PPP4R4: variants seen among roughly 807,000 people sequenced by gnomAD.
The protein encoded by PPP4R4 is protein phosphatase 4 regulatory subunit 4, also known as serine/threonine-protein phosphatase 4 regulatory subunit 4.
Under a neutral mutation model 121.8 loss-of-function variants are expected in PPP4R4, and 70 were observed. The ratio of observed to expected loss-of-function variants is 0.57; its 90% CI spans 0.47 to 0.70. PPP4R4 has a LOEUF of 0.70. Ranked by LOEUF, PPP4R4 falls within the 30% of genes least tolerant of loss-of-function variation. The pLI, the probability that PPP4R4 is intolerant of heterozygous loss-of-function variation, is 0.00. For missense variants in PPP4R4, 875 were observed against 1,033.6 expected (o/e 0.85, Z 2.10); for synonymous variants, 348 against 355.7 (o/e 0.98, Z 0.24).
At chr14:94,265,528 A>G (rs904063283) in intron 21 of PPP4R4, 55 bp downstream of exon 21, 11 of 1,447,020 alleles carry the variant, frequency 7.6e-6, no homozygotes, top group Non-Finnish European at 1.1e-5. Context: ...TTGTATACAA[A>G]TTGCTGGGAA....
intron 12 of PPP4R4, 41 bp from the exon 13 acceptor site, chr14:94,245,546 A>G (rs765825911): frequency 1.6e-5 from 18 of 1,097,786 alleles, no homozygotes; most frequent in Admixed American, 1.5e-4. Flanking sequence ...TAGCAAAAAC[A>G]TAGTAATCAC....
rs949754464 is a variant in PPP4R4, at chr14:94,267,428, G to T, written c.2449+399G>T. Among the ~76,000 whole-genome samples, 8 of 152,286 alleles carry T rather than the reference G, an allele frequency of 5.3e-5. No individual in the cohort carries two copies. In the East Asian group the frequency reaches 5.8e-4, roughly 11 times the overall value. On this transcript the variant is annotated intron_variant, in intron 23 of 24. Coordinates refer to ENST00000304338, the MANE Select transcript of PPP4R4 (RefSeq NM_058237.2). ...ATGTATTTGGAAGTTTGTGGCAGGG[G>T]TCAGCACATTTCCCTGAAGGGCCAG...
chr14:94,261,555 C>T (rs1893787545), intron 19 of PPP4R4, among the ~76,000 whole-genome samples: 1 of 151,668 alleles, frequency 6.6e-6, no homozygotes, highest in Admixed American at 6.6e-5. Context: ...ATATTTATGC[C>T]TTTTGTTTCT....
chr14:94,202,207 A>C (rs964943055), intron 2 of PPP4R4, among the ~76,000 whole-genome samples: 4 of 152,108 alleles, frequency 2.6e-5, no homozygotes, highest in Non-Finnish European at 4.4e-5. Context: ...TACAGTGTAC[A>C]CTGCTTGGGT....
intron 3 of PPP4R4, chr14:94,227,574 AAT>A: frequency 6.1e-6 from 8 of 1,315,984 alleles, no homozygotes; most frequent in Non-Finnish European, 7.7e-6. Context: ...TTAAATGCAA[AAT>A]AGTTGGGGCA....
intron 3 of PPP4R4, chr14:94,227,242 T>G (rs1476096368): frequency 1.4e-6 from 2 of 1,468,112 alleles, no homozygotes; most frequent in Non-Finnish European, 1.9e-6. Context: ...GCTTAAGGCA[T>G]GCACTTAAGC....
chr14:94,247,043 T>C (rs1892932961), intron 14 of PPP4R4, among the ~76,000 whole-genome samples: 2 of 152,290 alleles, frequency 1.3e-5, no homozygotes, highest in East Asian at 3.9e-4. Context: ...TACAAATACA[T>C]GGATGCCCTG....
intron 2 of PPP4R4, among the ~76,000 whole-genome samples, chr14:94,198,660 T>C (rs1890005939): frequency 6.6e-6 from 1 of 152,222 alleles, no homozygotes; most frequent in Admixed American, 6.5e-5. Flanking sequence ...TATTGGCTCT[T>C]AAATTCAGGC....
At chr14:94,203,581 T>A (rs1368285002) in intron 2 of PPP4R4, among the ~76,000 whole-genome samples, 2 of 152,218 alleles carry the variant, frequency 1.3e-5, no homozygotes, top group Admixed American at 1.3e-4. Context: ...TGCCCCAGAG[T>A]ACAATTGCTG....
At chr14:94,258,150 A>G (rs1893577761) in intron 17 of PPP4R4, among the ~76,000 whole-genome samples, 1 of 152,176 alleles carries the variant, frequency 6.6e-6, no homozygotes, top group Admixed American at 6.5e-5. Flanking sequence ...TTTGTCATGG[A>G]TAGCTTTGGG....
chr14:94,254,367 A>C (rs1486176492), intron 16 of PPP4R4, among the ~76,000 whole-genome samples: 1 of 152,216 alleles, frequency 6.6e-6, no homozygotes, highest in Non-Finnish European at 1.5e-5. Flanking sequence ...TATTCAGAGA[A>C]GCCTTTTCCA....
intron 3 of PPP4R4, among the ~76,000 whole-genome samples, chr14:94,211,556 A>C (rs1261298164): frequency 6.6e-6 from 1 of 152,100 alleles, no homozygotes; most frequent in Non-Finnish European, 1.5e-5. Context: ...GATTGAGAAG[A>C]GGTTAGAGAA....
intron 16 of PPP4R4, among the ~76,000 whole-genome samples, chr14:94,253,445 G>T (rs1003578630): frequency 6.6e-6 from 1 of 152,186 alleles, no homozygotes; most frequent in South Asian, 2.1e-4. Flanking sequence ...AGGTGACAGA[G>T]CAAGACTTCG....
intron 2 of PPP4R4, among the ~76,000 whole-genome samples, chr14:94,184,971 A>G (rs1889188705): frequency 6.6e-6 from 1 of 152,240 alleles, no homozygotes; most frequent in Non-Finnish European, 1.5e-5. Context: ...GAAGGTCATT[A>G]TACTAGCAGA....
chr14:94,231,362 G>GTT, intron 5 of PPP4R4, 47 bp downstream of exon 5: 6 of 1,456,272 alleles, frequency 4.1e-6, no homozygotes, highest in South Asian at 2.6e-5. Flanking sequence ...TCACTCTAAG[G>GTT]TTTTTTTTTA....
At chr14:94,185,698 C>T (rs1889237210) in intron 2 of PPP4R4, among the ~76,000 whole-genome samples, 1 of 152,102 alleles carries the variant, frequency 6.6e-6, no homozygotes, top group Non-Finnish European at 1.5e-5. Flanking sequence ...ATATAGGAAA[C>T]ATCCCATTTG....
chr14:94,244,626 A>C lies in PPP4R4; in HGVS notation c.1267-9A>C, dbSNP rs772262670. On this transcript the variant is annotated splice_polypyrimidine_tract_variant and intron_variant, in intron 11 of 24. Coordinates refer to ENST00000304338, the MANE Select transcript of PPP4R4 (RefSeq NM_058237.2). ...CTCAAATCTGAGAGACTTTATTGCT[A>C]TATTTTAGGTATCTAAGCTTCTGAA... The C allele has an allele frequency of 6.7e-7, 1 of 1,482,336 alleles. No individual in the cohort carries two copies. Among genetic ancestry groups the C allele is most frequent in the African/African-American group, 1.4e-5 (1 of 70,150 alleles). 91.8% of individuals were successfully genotyped at this position (1,482,336 alleles called of 1,614,324 possible).
chr14:94,231,780 T>C (rs1009481660), intron 5 of PPP4R4, among the ~76,000 whole-genome samples: 1 of 152,158 alleles, frequency 6.6e-6, no homozygotes, highest in African/African-American at 2.4e-5. Flanking sequence ...GATAATTTAA[T>C]TGTAGCTTTC....
intron 7 of PPP4R4, among the ~76,000 whole-genome samples, chr14:94,236,250 A>G (rs1892345480): frequency 6.6e-6 from 1 of 152,144 alleles, no homozygotes; most frequent in Non-Finnish European, 1.5e-5. Flanking sequence ...CATGTTTTTG[A>G]AAAAAAGAGA....
Sources: allele counts gnomAD v4.1 joint callset (sites outside exome capture counted in the v4.1 genomes callset), GRCh38; gene constraint gnomAD v4.1.1; transcripts MANE v1.5; gene names NCBI Gene and HGNC (gene_info 2026-07-23, HGNC 2026-07-21).